Variants in PPP3CA observed in about 807,000 individuals in gnomAD.
The protein encoded by PPP3CA is CAM-PRP catalytic subunit.
A neutral mutation model predicts 66.5 loss-of-function variants in PPP3CA; 14 were observed. The observed-to-expected ratio is 0.21, with a 90% confidence interval of 0.14 to 0.33. The LOEUF is 0.33. PPP3CA is among the 10% of genes least tolerant of loss of function. PPP3CA has a pLI of 1.00. For synonymous variants in PPP3CA, 232 were observed against 226.2 expected (o/e 1.03, Z -0.23); for missense variants, 317 against 639.5 (o/e 0.50, Z 5.44).
chr4:101,337,909 G>C (rs973886978), intron 1 of PPP3CA, among the ~76,000 whole-genome samples: 1 of 152,204 alleles, frequency 6.6e-6, no homozygotes, highest in African/African-American at 2.4e-5. Flanking sequence ...TGACTCATGA[G>C]CAGCCTGTAC....
At chr4:101,258,969 T>C (rs1195823336) in intron 1 of PPP3CA, among the ~76,000 whole-genome samples, 2 of 152,110 alleles carry the variant, frequency 1.3e-5, no homozygotes, top group Non-Finnish European at 2.9e-5. Flanking sequence ...TGCTTCTGAG[T>C]TGTCAGCTGA....
chr4:101,059,559 G>A (rs1275930097), intron 10 of PPP3CA, among the ~76,000 whole-genome samples: 2 of 152,034 alleles, frequency 1.3e-5, no homozygotes, highest in African/African-American at 2.4e-5. Flanking sequence ...TGCAGCATTA[G>A]GTATTTTGCA....
At chr4:101,206,824 T>C (rs1227489675) in intron 1 of PPP3CA, among the ~76,000 whole-genome samples, 4 of 152,196 alleles carry the variant, frequency 2.6e-5, no homozygotes, top group Admixed American at 2.6e-4. Flanking sequence ...AAATGCCTTG[T>C]TCAGATCTAA....
chr4:101,150,484 G>A (rs977630707), intron 2 of PPP3CA, among the ~76,000 whole-genome samples: 5 of 152,092 alleles, frequency 3.3e-5, no homozygotes, highest in Non-Finnish European at 7.4e-5. Context: ...CATCCTATTT[G>A]CCTCACTTTG....
In PPP3CA at chr4:101,290,733, G is replaced by T. The variant is rs190626889; in HGVS notation, c.58+56006C>A. ...AAATAAAACAAAGAAGGAACACAGG[G>T]AGTGCCAGAATAAGGGTACAGGTAT... On this transcript the variant is annotated intron_variant, in intron 1 of 13. Transcript: ENST00000394854. Among the ~76,000 whole-genome samples the T allele has an allele frequency of 1.1e-4, 17 of 152,252 alleles. No individual in the cohort carries two copies. In the East Asian group the frequency reaches 3.3e-3, roughly 29 times the overall value.
intron 2 of PPP3CA, among the ~76,000 whole-genome samples, chr4:101,142,609 C>T (rs933211081): frequency 6.6e-6 from 1 of 152,106 alleles, no homozygotes; most frequent in Non-Finnish European, 1.5e-5. Context: ...ACTATGTTGT[C>T]CAGGCTGGAT....
chr4:101,026,156 G>C (rs749382948), intron 13 of PPP3CA, 95 bp from the exon 14 acceptor site: 2 of 1,050,934 alleles, frequency 1.9e-6, no homozygotes, highest in Non-Finnish European at 2.7e-6. Flanking sequence ...AGATTTCTCA[G>C]TGAGAGGGAA....
intron 1 of PPP3CA, among the ~76,000 whole-genome samples, chr4:101,204,219 C>T (rs1356389278): frequency 3.3e-5 from 5 of 152,134 alleles, no homozygotes; most frequent in Non-Finnish European, 7.3e-5. Flanking sequence ...GTTACCTAGG[C>T]TTGTCTTAAA....
Position 101,316,970 on chromosome 4 carries a change from T to C in PPP3CA, c.58+29769A>G, listed in dbSNP as rs114521718. Among the ~76,000 whole-genome samples the C allele has an allele frequency of 9.1e-3, 1,385 of 152,286 alleles. 18 individuals are homozygous for C. Among genetic ancestry groups the C allele is most frequent in the African/African-American group, 0.031 (1,288 of 41,550 alleles). Reference sequence around the variant, plus strand: ...TTCTTACAAAATCTTCTTGGGAAGATAGAGGAAGGAGTCATTTCACATACA... The same window carrying C: ...TTCTTACAAAATCTTCTTGGGAAGACAGAGGAAGGAGTCATTTCACATACA... On this transcript the variant is annotated intron_variant, in intron 1 of 13. Coordinates refer to ENST00000394854, the MANE Select transcript of PPP3CA (RefSeq NM_000944.5).
In PPP3CA at chr4:101,346,706, G is replaced by C. The variant is rs766238550; in HGVS notation, c.58+33C>G. The C allele has an allele frequency of 9.4e-6, 15 of 1,594,278 alleles. No individual in the cohort carries two copies. In the South Asian group the frequency reaches 1.3e-4, roughly 14 times the overall value. On this transcript the variant is annotated intron_variant, in intron 1 of 13. Transcript: ENST00000394854. ...AGCTGCCCTGGCGCCTGCGGCACACGGTGCACCCAGGCCACCGCGGCGCTC... is the reference window on the plus strand; with the variant it reads ...AGCTGCCCTGGCGCCTGCGGCACACCGTGCACCCAGGCCACCGCGGCGCTC...
At chr4:101,103,408 A>C (rs1397494820) in intron 3 of PPP3CA, among the ~76,000 whole-genome samples, 1 of 152,224 alleles carries the variant, frequency 6.6e-6, no homozygotes, top group Admixed American at 6.5e-5. Flanking sequence ...CTAAGACATC[A>C]CTTGCCTGGT....
At chr4:101,327,443 C>G (rs761458163) in intron 1 of PPP3CA, among the ~76,000 whole-genome samples, 1 of 151,550 alleles carries the variant, frequency 6.6e-6, no homozygotes, top group Non-Finnish European at 1.5e-5. Context: ...TCATAATCTT[C>G]TACTTTAAAA....
intron 2 of PPP3CA, among the ~76,000 whole-genome samples, chr4:101,177,179 A>T (rs2110171515): frequency 6.6e-6 from 1 of 152,302 alleles, no homozygotes; most frequent in South Asian, 2.1e-4. Context: ...TGGGAAGTTA[A>T]ATCACACAAT....
Position 101,118,013 on chromosome 4 carries a change from C to T in PPP3CA, c.260-8935G>A, listed in dbSNP as rs866055859. On this transcript the variant is annotated intron_variant, in intron 2 of 13. Transcript: ENST00000394854. ...ATACTCATCTCAGGTTTCAGATTAA[C>T]TCCCTCTAGGACCCTGAAAGATGGA... Among the ~76,000 whole-genome samples the T allele has an allele frequency of 2.6e-5, 4 of 152,134 alleles. No homozygotes were observed. In the Middle Eastern group the frequency reaches 0.01, roughly 388 times the overall value.
intron 8 of PPP3CA, among the ~76,000 whole-genome samples, chr4:101,067,281 C>T (rs1033812521): frequency 1.3e-5 from 2 of 152,082 alleles, no homozygotes; most frequent in African/African-American, 4.8e-5. Context: ...CTGTAGAACC[C>T]TGTGTTCAAA....
intron 10 of PPP3CA, among the ~76,000 whole-genome samples, chr4:101,044,425 GC>G (rs1461769349): frequency 6.6e-6 from 1 of 152,020 alleles, no homozygotes; most frequent in African/African-American, 2.4e-5. Context: ...TACCACAGTA[GC>G]TCAAATTAAA....
At chr4:101,286,782 G>A (rs1232859200) in intron 1 of PPP3CA, among the ~76,000 whole-genome samples, 1 of 152,108 alleles carries the variant, frequency 6.6e-6, no homozygotes, top group Non-Finnish European at 1.5e-5. Flanking sequence ...AGCTGGACAT[G>A]ACAGACCATC....
chr4:101,192,861 A>G (rs1042648803), intron 2 of PPP3CA, among the ~76,000 whole-genome samples: 7 of 152,146 alleles, frequency 4.6e-5, no homozygotes, highest in African/African-American at 1.7e-4. Flanking sequence ...TATGTCTCAT[A>G]TGTTTTATCA....
intron 1 of PPP3CA, among the ~76,000 whole-genome samples, chr4:101,310,201 C>T (rs1438657192): frequency 1.3e-5 from 2 of 152,114 alleles, no homozygotes; most frequent in Non-Finnish European, 2.9e-5. Context: ...ATAATTAACA[C>T]AATGCTATAA....
Sources: gnomAD v4.1 joint callset for allele counts (sites outside exome capture counted in the v4.1 genomes callset) on GRCh38, gnomAD v4.1.1 for gene constraint, MANE v1.5 for transcripts, NCBI Gene and HGNC (gene_info 2026-07-23, HGNC 2026-07-21) for gene names.